The following PTK7 variants were observed in gnomAD, a reference collection of about 807,000 sequenced individuals.
PTK7 encodes the protein inactive tyrosine-protein kinase 7.
A neutral mutation model predicts 116.6 loss-of-function variants in PTK7; 39 were observed. That is an observed-to-expected ratio of 0.33 (90% CI 0.26 to 0.44). PTK7 has a LOEUF of 0.44. PTK7 is among the 20% of genes least tolerant of loss of function. The pLI, the probability that PTK7 is intolerant of heterozygous loss-of-function variation, is 1.00. For missense variants in PTK7, 1,169 were observed against 1,425.6 expected (o/e 0.82, Z 2.90); for synonymous variants, 546 against 563.6 (o/e 0.97, Z 0.44).
chr6:43,134,220 G>A (rs1376338283), intron 7 of PTK7, among the ~76,000 whole-genome samples: 3 of 152,052 alleles, frequency 2.0e-5, no homozygotes, highest in African/African-American at 7.2e-5. Flanking sequence ...TGTATTTTTA[G>A]TAGAGGCGAT....
intron 1 of PTK7, among the ~76,000 whole-genome samples, chr6:43,093,281 C>T (rs899565460): frequency 1.3e-5 from 2 of 150,822 alleles, no homozygotes; most frequent in Admixed American, 6.6e-5. Flanking sequence ...TCTCCACCTC[C>T]CAGGTTCAAG....
chr6:43,155,406 G>T (rs1771365895), intron 17 of PTK7, among the ~76,000 whole-genome samples: 1 of 152,124 alleles, frequency 6.6e-6, no homozygotes, highest in Non-Finnish European at 1.5e-5. Flanking sequence ...TGCTTTGGGA[G>T]CCGAGGCAGG....
At chr6:43,084,072 T>A (rs1363816697) in intron 1 of PTK7, among the ~76,000 whole-genome samples, 1 of 152,206 alleles carries the variant, frequency 6.6e-6, no homozygotes, top group African/African-American at 2.4e-5. Flanking sequence ...TATGTTGCTG[T>A]TTTTGAATAG....
Position 43,129,946 on chromosome 6 carries a change from C to A in PTK7, c.470+117C>A. 9.5e-7 allele frequency: 1 copy of A among 1,048,828 alleles called. No individual in the cohort carries two copies. Among genetic ancestry groups the A allele is most frequent in the Non-Finnish European group, 1.4e-6 (1 of 705,972 alleles). The allele number at this position is 1,048,828 out of a possible 1,614,324, so 65.0% of individuals were successfully genotyped here. A position where few individuals can be genotyped will look rare whatever the true frequency, so the allele number is the denominator to read the frequency against. ...CATTCTGTGACCACTCGTTCCACCACCACAGTGCTCTTCACCCTGCCCTCC... is the reference window on the plus strand; with the variant it reads ...CATTCTGTGACCACTCGTTCCACCAACACAGTGCTCTTCACCCTGCCCTCC... On this transcript the variant is annotated intron_variant, in intron 3 of 19. Coordinates refer to ENST00000230419, the MANE Select transcript of PTK7 (RefSeq NM_002821.5). This position sits in a 1 kb window ranked among gnomAD's most constrained non-coding sequence, Gnocchi z 4.5.
chr6:43,114,413 C>T lies in PTK7; in HGVS notation c.80-14564C>T, dbSNP rs148158484. 5.0e-3 allele frequency among the ~76,000 whole-genome samples: 765 copies of T among 151,958 alleles called. 4 individuals are homozygous for T. The highest frequency in any genetic ancestry group is 7.5e-3 in the Non-Finnish European group (510 of 67,950). Reference sequence around the variant, plus strand: ...CTGTCTCTCTCAATTTCTTCTGTTCCCTTATCTTATCTCCCTGTCTCCCTC... The same window carrying T: ...CTGTCTCTCTCAATTTCTTCTGTTCTCTTATCTTATCTCCCTGTCTCCCTC... On this transcript the variant is annotated intron_variant, in intron 1 of 19. Transcript: ENST00000230419.
chr6:43,115,042 C>A (rs1394652824), intron 1 of PTK7, among the ~76,000 whole-genome samples: 22 of 143,380 alleles, frequency 1.5e-4, no homozygotes, highest in African/African-American at 2.1e-4. Flanking sequence ...GACTTTGTCT[C>A]AAAAAAAAAA....
intron 17 of PTK7, among the ~76,000 whole-genome samples, chr6:43,148,499 G>A (rs1770854003): frequency 1.3e-5 from 2 of 152,182 alleles, no homozygotes. Flanking sequence ...ACAGGATGTA[G>A]TTGAATGGCA....
intron 1 of PTK7, among the ~76,000 whole-genome samples, chr6:43,124,372 T>C (rs1311358469): frequency 6.6e-6 from 1 of 152,222 alleles, no homozygotes; most frequent in African/African-American, 2.4e-5. Flanking sequence ...GTCTCCTTTG[T>C]CTGCTTCCCC....
chr6:43,117,178 T>C (rs1465279336), intron 1 of PTK7, among the ~76,000 whole-genome samples: 2 of 152,030 alleles, frequency 1.3e-5, no homozygotes, highest in African/African-American at 2.4e-5. Flanking sequence ...AAAAGAGCAT[T>C]CATTTGCTTC....
At chr6:43,106,425 A>G (rs1432963940) in intron 1 of PTK7, among the ~76,000 whole-genome samples, 1 of 151,456 alleles carries the variant, frequency 6.6e-6, no homozygotes, top group African/African-American at 2.4e-5. Flanking sequence ...CTCCTGTTGC[A>G]GCCTCCCAGG....
Position 43,139,582 on chromosome 6 carries a change from A to G in PTK7, c.1618+57A>G. 2 of 1,604,278 alleles carry G rather than the reference A, an allele frequency of 1.2e-6. No homozygotes were observed. The highest frequency in any genetic ancestry group is 1.7e-6 in the Non-Finnish European group (2 of 1,175,396). On this transcript the variant is annotated intron_variant, in intron 10 of 19. Coordinates refer to ENST00000230419, the MANE Select transcript of PTK7 (RefSeq NM_002821.5). The surrounding 1 kb of genome is among the most constrained non-coding windows in gnomAD (Gnocchi z 4.6). ...GGCAGGCAGTTCACTGATCAGATAC[A>G]TACCTGAGGGCTGCTGGGTGCCCCG...
intron 1 of PTK7, among the ~76,000 whole-genome samples, chr6:43,102,641 CA>C (rs1432291295): frequency 6.6e-6 from 1 of 151,580 alleles, no homozygotes; most frequent in Non-Finnish European, 1.5e-5. Context: ...GCAAAGGTGT[CA>C]CACAATTCTC....
chr6:43,142,032 C>G lies in PTK7; in HGVS notation c.1870C>G (p.Gln624Glu), dbSNP rs146430032. ...CCAGGGGGACCCCAAGCCGCTGATT[C>G]AGTGGAAAGGCAAGGACCGCATCCT... Reference protein sequence around the residue: ...EAQGDPKPLIQWKGKDRILDP... With the variant: ...EAQGDPKPLIEWKGKDRILDP... The change falls in exon 12 of 20, where the codon CAG (glutamine) becomes GAG (glutamate). Residue 624 changes from glutamine (Q) to glutamate (E), a missense_variant. Gln to Glu is a conservative substitution (Grantham distance 29). Around this residue, in one of 3 missense-constraint regions of PTK7, gnomAD observed 678 missense variants for 853.8 expected, o/e 0.79. Transcript: ENST00000230419. 2.9e-5 allele frequency: 47 copies of G among 1,613,968 alleles called. No individual in the cohort carries two copies. The African/African-American group carries it at 4.8e-4, about 16-fold the overall frequency.
rs3805930 is a variant in PTK7 at position 43,154,920 on chromosome 6, C to G, written c.2722-3897C>G. 7.2e-3 allele frequency among the ~76,000 whole-genome samples: 1,095 copies of G among 152,336 alleles called. 75 individuals carry two copies. In the East Asian group the frequency reaches 0.16, roughly 23 times the overall value. On this transcript the variant is annotated intron_variant, in intron 17 of 19. Transcript: ENST00000230419. ...GGCTGCAGTGGTAGGGAAGAGCCAG[C>G]CTTTGGCACTAGCCTCACCATGGGC...
rs58591054 is a variant in PTK7 at position 43,139,880 on chromosome 6, G to A, written c.1618+355G>A. On this transcript the variant is annotated intron_variant, in intron 10 of 19. Transcript: ENST00000230419. The surrounding 1 kb of genome is among the most constrained non-coding windows in gnomAD (Gnocchi z 4.6). ...TGTAATCCCAACACTTTGGGAAGCC[G>A]AGATGGGTGGGTCACTTGAGGCCAG... is the stretch of plus-strand genomic sequence containing the variant. Among the ~76,000 whole-genome samples, 58 of 152,322 alleles carry A rather than the reference G, an allele frequency of 3.8e-4. No homozygotes were observed. The East Asian group carries it at 9.8e-3, about 26-fold the overall frequency.
chr6:43,115,998 C>T (rs1368102737), intron 1 of PTK7, among the ~76,000 whole-genome samples: 1 of 151,388 alleles, frequency 6.6e-6, no homozygotes, highest in Non-Finnish European at 1.5e-5. Flanking sequence ...TCCCATGGGC[C>T]TGGGTCCAGG....
At chr6:43,156,418 A>G (rs570796316) in intron 17 of PTK7, among the ~76,000 whole-genome samples, 33 of 152,026 alleles carry the variant, frequency 2.2e-4, no homozygotes, top group African/African-American at 7.2e-4. Flanking sequence ...CCTGAGCAAC[A>G]TAAGGAGACC....
chr6:43,145,080 G>T lies in PTK7; in HGVS notation c.2408-120G>T. Reference sequence around the variant, plus strand: ...AGGGAGGGGGTCACAGCAGAACCGGGTCTCGTGCCCAGCCCAGGTGGGTGG... The same window carrying T: ...AGGGAGGGGGTCACAGCAGAACCGGTTCTCGTGCCCAGCCCAGGTGGGTGG... On this transcript the variant is annotated intron_variant, in intron 15 of 19. Transcript: ENST00000230419. The surrounding 1 kb of genome is among the most constrained non-coding windows in gnomAD (Gnocchi z 4.8). 1 of 806,258 alleles carries T rather than the reference G, an allele frequency of 1.2e-6. No homozygotes were observed. The highest frequency in any genetic ancestry group is 2.7e-5 in the Admixed American group (1 of 37,260). 49.9% of individuals were successfully genotyped at this position (806,258 alleles called of 1,614,324 possible). A position where few individuals can be genotyped will look rare whatever the true frequency, so the allele number is the denominator to read the frequency against.
Position 43,138,949 on chromosome 6 carries a change from TGTC to T in PTK7, c.1330_1332del (p.Val444del). On this transcript the variant is annotated inframe_deletion, in exon 8 of 20. Coordinates refer to ENST00000230419, the MANE Select transcript of PTK7 (RefSeq NM_002821.5). Reference sequence around the variant, plus strand: ...CCCAGGCCACACCAAAACCTACAGTTGTCTGGTACAGAAACCAGATGCTCATCT... The same window carrying T: ...CCCAGGCCACACCAAAACCTACAGTTTGGTACAGAAACCAGATGCTCATCT... The T allele has an allele frequency of 6.2e-7, 1 of 1,614,100 alleles. No homozygotes were observed. The highest frequency in any genetic ancestry group is 8.5e-7 in the Non-Finnish European group (1 of 1,180,014).
Sources: allele counts gnomAD v4.1 joint callset (sites outside exome capture counted in the v4.1 genomes callset), GRCh38; gene constraint gnomAD v4.1.1; regional missense constraint gnomAD v4.1.1; non-coding constraint Gnocchi (gnomAD v3.1); transcripts MANE v1.5; gene names NCBI Gene and HGNC (gene_info 2026-07-23, HGNC 2026-07-21).